DOCK1: variants seen among roughly 807,000 people sequenced by gnomAD.
The protein encoded by DOCK1 is dedicator of cytokinesis protein 1.
DOCK1 carries 138 observed loss-of-function variants against 262.7 expected under a neutral mutation model. That is an observed-to-expected ratio of 0.53 (90% CI 0.46 to 0.61). The LOEUF (loss-of-function observed/expected upper bound fraction) is 0.61. Among genes scored for constraint, DOCK1 ranks in the 20% least tolerant of loss-of-function variants. The pLI, the probability that DOCK1 is intolerant of heterozygous loss-of-function variation, is 0.00. For synonymous variants in DOCK1, 866 were observed against 867.4 expected (o/e 1.00, Z 0.03); for missense variants, 1,908 against 2,370.7 (o/e 0.80, Z 4.05).
chr10:127,261,376 GGT>G (rs1289820833), intron 29 of DOCK1, among the ~76,000 whole-genome samples: 7 of 69,098 alleles, frequency 1.0e-4, no homozygotes, highest in African/African-American at 2.4e-4. Flanking sequence ...TGTGCATGTG[GGT>G]GTGTGTGTAC....
rs553053974 is a variant in DOCK1 at position 126,977,952 on chromosome 10, G to A, written c.135G>A (p.Trp45Ter). 1 of 1,613,896 alleles carries A rather than the reference G, an allele frequency of 6.2e-7. No individual in the cohort carries two copies. ...TTCAACTTTGTGTTTGTTTAGGGTG[G>A]TACCGAGGTTACACGTTACGAAAAA... ...TVHILETYEG[W>*]YRGYTLRKKS... The change falls in exon 3 of 52, where the codon TGG becomes TGA. Residue 45 changes from tryptophan to a stop codon, truncating the protein, a stop_gained. Coordinates refer to ENST00000623213, the MANE Select transcript of DOCK1 (RefSeq NM_001290223.2). LOFTEE classifies it high-confidence loss of function.
chr10:127,099,086 C>T (rs2048079726), intron 23 of DOCK1, among the ~76,000 whole-genome samples: 1 of 152,200 alleles, frequency 6.6e-6, no homozygotes, highest in Non-Finnish European at 1.5e-5. Flanking sequence ...TGCATCTTGT[C>T]CTTGTCTGGC....
chr10:126,963,600 C>CTTCCG (rs1396271779), intron 1 of DOCK1, among the ~76,000 whole-genome samples: 16 of 57,504 alleles, frequency 2.8e-4, no homozygotes, highest in African/African-American at 1.4e-3. Flanking sequence ...CTTCCCTTCC[C>CTTCCG]TTCCCTTCCC....
At chr10:127,274,607 C>G (rs2060680697) in intron 29 of DOCK1, among the ~76,000 whole-genome samples, 1 of 152,104 alleles carries the variant, frequency 6.6e-6, no homozygotes, top group African/African-American at 2.4e-5. Context: ...CCTGTACAAA[C>G]TAGATGTAAG....
chr10:127,106,188 C>A, intron 23 of DOCK1, 43 bp from the exon 24 acceptor site: 1 of 1,553,266 alleles, frequency 6.4e-7, no homozygotes, highest in South Asian at 1.2e-5. Flanking sequence ...TGAACACTCC[C>A]TAACCTGCAT....
intron 29 of DOCK1, among the ~76,000 whole-genome samples, chr10:127,318,135 T>C (rs562313054): frequency 2.2e-4 from 33 of 152,336 alleles, no homozygotes; most frequent in African/African-American, 7.7e-4. Context: ...AAAGTGAAAA[T>C]GATACATATA....
intron 33 of DOCK1, among the ~76,000 whole-genome samples, chr10:127,367,465 C>T (rs7100131): frequency 0.25 from 38,438 of 151,968 alleles, 5,407 homozygotes; most frequent in Middle Eastern, 0.34. Flanking sequence ...CTCTGTCCAG[C>T]GCTGCAGTGA....
intron 23 of DOCK1, among the ~76,000 whole-genome samples, chr10:127,065,255 C>G (rs532209649): frequency 6.6e-6 from 1 of 152,116 alleles, no homozygotes; most frequent in Admixed American, 6.6e-5. Context: ...AAATAATTCA[C>G]CCGCCTCGGC....
chr10:126,958,953 A>T (rs2036972368), intron 1 of DOCK1, among the ~76,000 whole-genome samples: 1 of 152,208 alleles, frequency 6.6e-6, no homozygotes, highest in Admixed American at 6.5e-5. Flanking sequence ...GCTTGATTTT[A>T]TACATTTTAG....
intron 2 of DOCK1, among the ~76,000 whole-genome samples, chr10:126,973,482 A>G (rs2038274268): frequency 6.6e-6 from 1 of 152,140 alleles, no homozygotes; most frequent in African/African-American, 2.4e-5. Flanking sequence ...GATTGCAGGC[A>G]TTTGACTTTT....
chr10:127,240,583 A>T (rs2059229861), intron 27 of DOCK1, among the ~76,000 whole-genome samples: 1 of 152,138 alleles, frequency 6.6e-6, no homozygotes, highest in Admixed American at 6.5e-5. Context: ...AACGTGACAT[A>T]CTTTTTGAGG....
intron 27 of DOCK1, among the ~76,000 whole-genome samples, chr10:127,200,161 C>T (rs1265802082): frequency 6.6e-6 from 1 of 152,140 alleles, no homozygotes; most frequent in East Asian, 1.9e-4. Context: ...GAGAGGGTTC[C>T]CGGATCTCAC....
At position 127,012,159 on chromosome 10, in the gene DOCK1, C is replaced by A; in HGVS notation, c.1059-73C>A. 1 of 780,482 alleles carries A rather than the reference C, an allele frequency of 1.3e-6. No homozygotes were observed. Among genetic ancestry groups the A allele is most frequent in the Non-Finnish European group, 2.3e-6 (1 of 443,294 alleles). 48.3% of individuals were successfully genotyped at this position (780,482 alleles called of 1,614,324 possible). On this transcript the variant is annotated intron_variant, in intron 11 of 51. Coordinates refer to ENST00000623213, the MANE Select transcript of DOCK1 (RefSeq NM_001290223.2). This position sits in a 1 kb window ranked among gnomAD's most constrained non-coding sequence, Gnocchi z 4.0. The stretch of plus-strand genomic sequence containing the variant: ...CTCGGTGACGATGATCTCTTATGTT[C>A]CCTTGTTACCGTGGCCCATGGGTCT...
At chr10:127,163,030 T>C (rs2053727149) in intron 27 of DOCK1, among the ~76,000 whole-genome samples, 1 of 152,132 alleles carries the variant, frequency 6.6e-6, no homozygotes, top group African/African-American at 2.4e-5. Context: ...GGGCCCGGCT[T>C]CTCTCTTCCC....
At chr10:126,963,023 TC>T (rs2037348451) in intron 1 of DOCK1, among the ~76,000 whole-genome samples, 1 of 152,216 alleles carries the variant, frequency 6.6e-6, no homozygotes. Context: ...CTTGTTGAAA[TC>T]ATTTGACTTT....
chr10:127,394,996 G>T (rs76580770), intron 38 of DOCK1, among the ~76,000 whole-genome samples: 1 of 152,164 alleles, frequency 6.6e-6, no homozygotes, highest in Non-Finnish European at 1.5e-5. Context: ...GTTACATTTC[G>T]TGCTTCTTGA....
chr10:127,445,889 C>T (rs1349289162), intron 50 of DOCK1, among the ~76,000 whole-genome samples: 1 of 152,212 alleles, frequency 6.6e-6, no homozygotes, highest in Non-Finnish European at 1.5e-5. Flanking sequence ...AACCATGATG[C>T]TGAGTGAAAT....
chr10:127,092,978 C>T (rs2136111268), intron 23 of DOCK1, among the ~76,000 whole-genome samples: 1 of 152,194 alleles, frequency 6.6e-6, no homozygotes, highest in East Asian at 1.9e-4. Flanking sequence ...TGTGTTCTCT[C>T]ATTGTTCTGG....
At chr10:127,044,689 A>G (rs937910171) in intron 21 of DOCK1, among the ~76,000 whole-genome samples, 3 of 152,116 alleles carry the variant, frequency 2.0e-5, no homozygotes, top group Admixed American at 1.3e-4. Flanking sequence ...TCCGTGCTTG[A>G]ATTTCAGAAG....
Sources: gnomAD v4.1 joint callset for allele counts (sites outside exome capture counted in the v4.1 genomes callset) on GRCh38, gnomAD v4.1.1 for gene constraint, Gnocchi (gnomAD v3.1) non-coding constraint, MANE v1.5 for transcripts, NCBI Gene and HGNC (gene_info 2026-07-23, HGNC 2026-07-21) for gene names.